CCDC159: variants seen among roughly 807,000 people sequenced by gnomAD.
The protein encoded by CCDC159 is coiled-coil domain containing 159, also known as coiled-coil domain-containing protein 159.
Under a neutral mutation model 50.9 loss-of-function variants are expected in CCDC159, and 40 were observed. The observed-to-expected ratio is 0.79, with a 90% CI of 0.61 to 1.02. CCDC159 has a LOEUF of 1.02. Among genes scored for constraint, CCDC159 ranks in the 50% least tolerant of loss-of-function variants. CCDC159 has a pLI of 0.00. For synonymous variants in CCDC159, 146 were observed against 138.9 expected (o/e 1.05, Z -0.36); for missense variants, 356 against 371.5 (o/e 0.96, Z 0.34).
intron 6 of CCDC159, 21 bp downstream of exon 6, chr19:11,351,994 G>A (rs781332686): frequency 6.2e-7 from 1 of 1,611,448 alleles, no homozygotes; most frequent in Admixed American, 1.7e-5. Flanking sequence ...GGAGCCCACA[G>A]CCGGTGTGTG....
chr19:11,349,348 C>T (rs906038252), intron 1 of CCDC159: 1 of 491,992 alleles, frequency 2.0e-6, no homozygotes, highest in Admixed American at 3.4e-5. Context: ...ACTCAGCAGG[C>T]CCTGGCTAAG....
intron 10 of CCDC159, 55 bp downstream of exon 10, chr19:11,354,751 G>C (rs777144139): frequency 5.6e-6 from 9 of 1,607,080 alleles, no homozygotes; most frequent in Non-Finnish European, 8.5e-7. Context: ...ACCTGCCCTT[G>C]ACTCCCACAG....
chr19:11,349,951 G>A lies in CCDC159; in HGVS notation c.69G>A (p.Val23=), dbSNP rs371000079. The change falls in exon 3 of 11, where the codon GTG becomes GTA. Residue 23 remains valine, a synonymous_variant. Coordinates refer to ENST00000458408, the MANE Select transcript of CCDC159 (RefSeq NM_001080503.3). Reference sequence around the variant, plus strand: ...CTCTGCCCACAGCCAAGACCATTGTGATGATTCCCGACTCCCAGAAGCTCC... The same window carrying A: ...CTCTGCCCACAGCCAAGACCATTGTAATGATTCCCGACTCCCAGAAGCTCC... ...SSSKVKAKTI[V]MIPDSQKLLR... 388 of 1,613,670 alleles carry A rather than the reference G, an allele frequency of 2.4e-4. No homozygotes were observed. Among genetic ancestry groups the A allele is most frequent in the Non-Finnish European group, 3.0e-4 (359 of 1,179,848 alleles).
intron 4 of CCDC159, 36 bp from the exon 5 acceptor site, chr19:11,350,772 G>T: frequency 6.6e-7 from 1 of 1,514,648 alleles, no homozygotes; most frequent in East Asian, 2.5e-5. Flanking sequence ...TTCAGGGTGG[G>T]ATCAGGGCTC....
Position 11,354,869 on chromosome 19 carries a change from A to C in CCDC159, c.890-4A>C. On this transcript the variant is annotated splice_polypyrimidine_tract_variant and splice_region_variant and intron_variant, in intron 10 of 10. Transcript: ENST00000458408. ...AGGCCCTGACCCACCCTCTCTCTCCACAGCTTGAGCAGCCGGGACTGCTCT... is the reference window on the plus strand; with the variant it reads ...AGGCCCTGACCCACCCTCTCTCTCCCCAGCTTGAGCAGCCGGGACTGCTCT... 1.2e-6 allele frequency: 2 copies of C among 1,612,892 alleles called. No individual in the cohort carries two copies. Among genetic ancestry groups the C allele is most frequent in the Non-Finnish European group, 1.7e-6 (2 of 1,179,664 alleles).
At chr19:11,353,595 A>AC in intron 8 of CCDC159, 23 bp downstream of exon 8, 3 of 1,607,374 alleles carry the variant, frequency 1.9e-6, no homozygotes, top group Non-Finnish European at 2.6e-6. Flanking sequence ...CTGCAGTCTG[A>AC]CCCCTGACCC....
Position 11,351,962 on chromosome 19 carries a change from A to C in CCDC159, c.479A>C (p.Tyr160Ser). ...ELVREEVTFI[Y>S]QKLQAQEDEI... ...GTGCGGGAGGAGGTGACCTTCATCT[A>C]TCAGAAGCTCCGTGAGTTCCTGGAG... Residue 160 changes from tyrosine to serine, a missense_variant, in exon 6 of 11, where the codon TAT becomes TCT. By Grantham distance (144) the Tyr-to-Ser change is moderately radical. Transcript: ENST00000458408. 1.9e-6 allele frequency: 3 copies of C among 1,608,222 alleles called. No individual in the cohort carries two copies. Among genetic ancestry groups the C allele is most frequent in the African/African-American group, 2.7e-5 (2 of 74,830 alleles).
At position 11,350,996 on chromosome 19, in the gene CCDC159, C is replaced by G; in HGVS notation, c.415C>G (p.Arg139Gly). 6.5e-7 allele frequency: 1 copy of G among 1,547,198 alleles called. No individual in the cohort carries two copies. The highest frequency in any genetic ancestry group is 1.2e-5 in the South Asian group (1 of 83,584). The change falls in exon 5 of 11, where the codon CGG becomes GGG. Residue 139 changes from arginine (R) to glycine (G), a missense_variant. Physicochemically the swap from Arg to Gly is moderately radical, Grantham distance 125. Coordinates refer to ENST00000458408, the MANE Select transcript of CCDC159 (RefSeq NM_001080503.3). ...CCTGCAGCTGCTGGCCCAGGAGATC[C>G]GGGACAGGTCGGGGATGGCGGGAGG... ...RCLQLLAQEIRDSKKFLWEEL... is the reference protein window; with the variant it reads ...RCLQLLAQEIGDSKKFLWEEL...
chr19:11,354,715 C>A lies in CCDC159; in HGVS notation c.889+19C>A, dbSNP rs761062048. The A allele has an allele frequency of 1.1e-4, 172 of 1,598,050 alleles. 1 individual carries two copies. Among genetic ancestry groups the A allele is most frequent in the South Asian group, 3.8e-4 (34 of 89,694 alleles). On this transcript the variant is annotated intron_variant, in intron 10 of 10. Coordinates refer to ENST00000458408, the MANE Select transcript of CCDC159 (RefSeq NM_001080503.3). The stretch of plus-strand genomic sequence containing the variant: ...CCACCCGGTGCAGATCCTCCCCAGT[C>A]CCCCCCTCCACCCATTTCCCTCCTG...
intron 1 of CCDC159, chr19:11,348,227 G>C (rs1204147299): frequency 2.2e-6 from 1 of 445,900 alleles, no homozygotes; most frequent in Non-Finnish European, 4.5e-6. Flanking sequence ...TTTTTCTTTG[G>C]GGCCTTCTGG....
chr19:11,348,589 G>A (rs576062737), intron 1 of CCDC159, among the ~76,000 whole-genome samples: 5 of 152,228 alleles, frequency 3.3e-5, no homozygotes, highest in African/African-American at 7.2e-5. Context: ...ATTGCTGGCC[G>A]CGTCTGGCCT....
intron 5 of CCDC159, 113 bp downstream of exon 5, chr19:11,351,116 G>A (rs1306472909): frequency 1.8e-6 from 2 of 1,103,172 alleles, no homozygotes; most frequent in Non-Finnish European, 2.5e-6. Flanking sequence ...GGGGGACTGA[G>A]GGATGGTGGA....
At chr19:11,352,176 G>A in intron 7 of CCDC159, 43 bp downstream of exon 7, 1 of 1,594,562 alleles carries the variant, frequency 6.3e-7, no homozygotes, top group Non-Finnish European at 8.5e-7. Flanking sequence ...GTGGGAGAGG[G>A]AGGGATGGGG....
At position 11,353,509 on chromosome 19, in the gene CCDC159, A is replaced by T. The variant is rs757611679; in HGVS notation, c.626A>T (p.Glu209Val). Reference protein sequence around the residue: ...HETAACPETEEIPQGASGCWK... With the variant: ...HETAACPETEVIPQGASGCWK... ...ACAGCCGCCTGTCCGGAGACTGAAG[A>T]GATACCGCAGGGAGCCAGTGGCTGC... Residue 209 changes from glutamate (E) to valine (V), a missense_variant, in exon 8 of 11, where the codon GAG (glutamate) becomes GTG (valine). Coordinates refer to ENST00000458408, the MANE Select transcript of CCDC159 (RefSeq NM_001080503.3). 3 of 1,612,518 alleles carry T rather than the reference A, an allele frequency of 1.9e-6. No individual in the cohort carries two copies. In the South Asian group the frequency reaches 3.3e-5, roughly 18 times the overall value.
intron 1 of CCDC159, 127 bp from the exon 2 acceptor site, chr19:11,349,527 A>T (rs1967453232): frequency 8.1e-7 from 1 of 1,229,662 alleles, no homozygotes; most frequent in African/African-American, 1.5e-5. Context: ...CTTTGCCTGC[A>T]CTTACGGTTT....
chr19:11,349,703 T>C lies in CCDC159; in HGVS notation c.55+16T>C, dbSNP rs1191085115. ...AAAGTCAAAGGTGAGAAATCTCCTTTCCAACAAAACTGTGTGGGGAAGACC... is the reference window on the plus strand; with the variant it reads ...AAAGTCAAAGGTGAGAAATCTCCTTCCCAACAAAACTGTGTGGGGAAGACC... On this transcript the variant is annotated intron_variant, in intron 2 of 10. Coordinates refer to ENST00000458408, the MANE Select transcript of CCDC159 (RefSeq NM_001080503.3). 2 of 1,583,852 alleles carry C rather than the reference T, an allele frequency of 1.3e-6. No homozygotes were observed. The highest frequency in any genetic ancestry group is 1.3e-5 in the African/African-American group (1 of 74,282).
At chr19:11,348,642 G>A in intron 1 of CCDC159, 1 of 433,548 alleles carries the variant, frequency 2.3e-6, no homozygotes, top group Admixed American at 2.5e-5. Context: ...CCATAACTGA[G>A]AAGCCTTGAG....
At position 11,349,688 on chromosome 19, in the gene CCDC159, G is replaced by T; in HGVS notation, c.55+1G>T. The T allele has an allele frequency of 6.2e-7, 1 of 1,603,324 alleles. No individual in the cohort carries two copies. Among genetic ancestry groups the T allele is most frequent in the Non-Finnish European group, 8.5e-7 (1 of 1,170,878 alleles). On this transcript the variant is annotated splice_donor_variant, in intron 2 of 10. Transcript: ENST00000458408. LOFTEE classifies it high-confidence loss of function. ...GAGACCAGCTCTTCCAAAGTCAAAG[G>T]TGAGAAATCTCCTTTCCAACAAAAC... is the stretch of plus-strand genomic sequence containing the variant.
At position 11,353,310 on chromosome 19, in the gene CCDC159, C is replaced by T. The variant is rs182855041; in HGVS notation, c.568-141C>T. 240 of 815,992 alleles carry T rather than the reference C, an allele frequency of 2.9e-4. No individual in the cohort carries two copies. In the African/African-American group the frequency reaches 4.0e-3, roughly 14 times the overall value. The allele number at this position is 815,992 out of a possible 1,614,324, so 50.5% of individuals were successfully genotyped here. ...AGAGATGCGGTTTCACTGTGTTAGC[C>T]AGGATGGTCTCAATCTCCTGACCTC... On this transcript the variant is annotated intron_variant, in intron 7 of 10. Coordinates refer to ENST00000458408, the MANE Select transcript of CCDC159 (RefSeq NM_001080503.3).
Sources: allele counts gnomAD v4.1 joint callset (sites outside exome capture counted in the v4.1 genomes callset), GRCh38; gene constraint gnomAD v4.1.1; transcripts MANE v1.5; gene names NCBI Gene and HGNC (gene_info 2026-07-23, HGNC 2026-07-21).